PTPN4: variants seen among roughly 807,000 people sequenced by gnomAD.
PTPN4 encodes the protein protein tyrosine phosphatase non-receptor type 4.
PTPN4 carries 49 observed loss-of-function variants against 135.5 expected under a neutral mutation model. The observed-to-expected ratio is 0.36, with a 90% CI of 0.29 to 0.46. The LOEUF is 0.46. Ranked by LOEUF, PTPN4 falls within the 20% of genes least tolerant of loss-of-function variation. The pLI is 1.00. For synonymous variants in PTPN4, 333 were observed against 369.9 expected, an observed-to-expected ratio of 0.90 and a Z score of 1.14; for missense variants, 860 against 1,101.0, an observed-to-expected ratio of 0.78 and a Z score of 3.10.
chr2:119,795,613 T>C (rs1027117497), intron 1 of PTPN4, among the ~76,000 whole-genome samples: 1 of 152,202 alleles, frequency 6.6e-6, no homozygotes, highest in African/African-American at 2.4e-5. Context: ...GGCCAGGCAG[T>C]GGGAGCAGAC....
chr2:119,791,672 C>G (rs1219782200), intron 1 of PTPN4, among the ~76,000 whole-genome samples: 1 of 152,168 alleles, frequency 6.6e-6, no homozygotes, highest in Non-Finnish European at 1.5e-5. Context: ...AATTGAGGAT[C>G]ATTTGTAAGT....
chr2:119,924,660 C>T (rs72971045), intron 12 of PTPN4, among the ~76,000 whole-genome samples: 3,799 of 152,134 alleles, frequency 0.025, 157 homozygotes, highest in African/African-American at 0.086. Context: ...AATACTAAAT[C>T]CCTAATGTCT....
chr2:119,917,611 T>C (rs931751087), intron 11 of PTPN4, among the ~76,000 whole-genome samples: 1 of 152,098 alleles, frequency 6.6e-6, no homozygotes, highest in Non-Finnish European at 1.5e-5. Context: ...ACACCTGTAT[T>C]TCCCGTTGCT....
In PTPN4 at chr2:119,967,989, A is replaced by G; in HGVS notation, c.2694+17A>G. The G allele has an allele frequency of 6.5e-7, 1 of 1,535,934 alleles. No homozygotes were observed. The highest frequency in any genetic ancestry group is 1.2e-5 in the South Asian group (1 of 80,156). ...CAAACACCTGTGAGTACTGTACTTTATATACAAGTGTATATTCTTAACATG... is the reference window on the plus strand; with the variant it reads ...CAAACACCTGTGAGTACTGTACTTTGTATACAAGTGTATATTCTTAACATG... On this transcript the variant is annotated intron_variant, in intron 26 of 26. Transcript: ENST00000263708.
chr2:119,940,988 G>T (rs1679054166), intron 15 of PTPN4, among the ~76,000 whole-genome samples: 1 of 151,830 alleles, frequency 6.6e-6, no homozygotes. Flanking sequence ...AAAATTAAAG[G>T]TCTCTTTCTT....
At chr2:119,955,794 G>A (rs940251525) in intron 20 of PTPN4, among the ~76,000 whole-genome samples, 1 of 151,822 alleles carries the variant, frequency 6.6e-6, no homozygotes, top group East Asian at 1.9e-4. Flanking sequence ...AAAATTAGCC[G>A]GGTGTGGTGG....
chr2:119,854,060 G>A lies in PTPN4; in HGVS notation c.139-8476G>A, dbSNP rs1220221171. ...TTATATTAGGAGGCTGGAGGAGGCGGTGTCTGATTTGCATAGGGCTCAGGG... is the reference window on the plus strand; with the variant it reads ...TTATATTAGGAGGCTGGAGGAGGCGATGTCTGATTTGCATAGGGCTCAGGG... On this transcript the variant is annotated intron_variant, in intron 2 of 26. Transcript: ENST00000263708. Among the ~76,000 whole-genome samples the A allele has an allele frequency of 6.6e-5, 10 of 152,122 alleles. 1 individual carries two copies.
chr2:119,924,926 G>A (rs141574678), intron 12 of PTPN4, among the ~76,000 whole-genome samples: 158 of 152,268 alleles, frequency 1.0e-3, no homozygotes, highest in Non-Finnish European at 1.6e-3. Flanking sequence ...AAACAAAAGG[G>A]TGGAAACATG....
chr2:119,876,603 T>TA (rs1452789653), intron 3 of PTPN4, among the ~76,000 whole-genome samples: 1 of 151,538 alleles, frequency 6.6e-6, no homozygotes, highest in African/African-American at 2.4e-5. Context: ...GGTTCTTTGA[T>TA]TTTTTTTTAA....
chr2:119,883,351 A>G (rs1678107486), intron 8 of PTPN4, among the ~76,000 whole-genome samples: 1 of 152,208 alleles, frequency 6.6e-6, no homozygotes, highest in Non-Finnish European at 1.5e-5. Flanking sequence ...AAACTTGAAA[A>G]AATCTGAAAT....
chr2:119,826,349 T>A (rs975748727), intron 2 of PTPN4, among the ~76,000 whole-genome samples: 4 of 152,214 alleles, frequency 2.6e-5, no homozygotes, highest in African/African-American at 7.2e-5. Context: ...TAAAGCTGAA[T>A]GAGAAAATAA....
chr2:119,774,822 C>T (rs1219388672), intron 1 of PTPN4, among the ~76,000 whole-genome samples: 1 of 151,730 alleles, frequency 6.6e-6, no homozygotes, highest in Non-Finnish European at 1.5e-5. Flanking sequence ...GTCGGGAGTT[C>T]GAGACCAGTC....
intron 1 of PTPN4, among the ~76,000 whole-genome samples, chr2:119,792,137 T>C (rs1050644828): frequency 2.6e-5 from 4 of 152,218 alleles, no homozygotes; most frequent in Non-Finnish European, 5.9e-5. Context: ...ATTATGGAAA[T>C]TGAGATGTCA....
intron 10 of PTPN4, among the ~76,000 whole-genome samples, chr2:119,912,248 G>A (rs1369048255): frequency 6.6e-6 from 1 of 152,146 alleles, no homozygotes; most frequent in African/African-American, 2.4e-5. Flanking sequence ...CAAAAAGTTG[G>A]TCAGTGGTTA....
intron 16 of PTPN4, among the ~76,000 whole-genome samples, chr2:119,945,957 A>G (rs923257630): frequency 2.0e-5 from 3 of 152,164 alleles, no homozygotes; most frequent in Non-Finnish European, 4.4e-5. Flanking sequence ...TTTTAAAATC[A>G]CATATATCAA....
chr2:119,824,843 A>T (rs528857615), intron 2 of PTPN4, among the ~76,000 whole-genome samples: 1 of 152,144 alleles, frequency 6.6e-6, no homozygotes, highest in South Asian at 2.1e-4. Flanking sequence ...ACGTGCCACC[A>T]CGCCCAGCTA....
intron 1 of PTPN4, among the ~76,000 whole-genome samples, chr2:119,767,218 A>G (rs756047495): frequency 1.3e-5 from 2 of 152,016 alleles, no homozygotes; most frequent in African/African-American, 4.8e-5. Context: ...CCCTTTTTCT[A>G]CTGTATCTAA....
At chr2:119,845,265 GGAGGGAGAGGGAGAGGGAGAGGGA>G (rs1234261671) in intron 2 of PTPN4, among the ~76,000 whole-genome samples, 1 of 41,040 alleles carries the variant, frequency 2.4e-5, no homozygotes, top group Non-Finnish European at 4.6e-5. Flanking sequence ...AGGGGGAGGG[GGAGGGAGAGGGAGAGGGAGAGGGA>G]GAGGGAGAGG....
chr2:119,801,688 G>T (rs1055636676), intron 1 of PTPN4, among the ~76,000 whole-genome samples: 7 of 151,864 alleles, frequency 4.6e-5, no homozygotes, highest in African/African-American at 1.7e-4. Flanking sequence ...TATTTTGTTT[G>T]ACTCCTCATA....
Sources: allele counts gnomAD v4.1 joint callset (sites outside exome capture counted in the v4.1 genomes callset), GRCh38; gene constraint gnomAD v4.1.1; transcripts MANE v1.5; gene names NCBI Gene and HGNC (gene_info 2026-07-23, HGNC 2026-07-21).